Variants in MSRA observed in about 807,000 individuals in gnomAD.
MSRA encodes methionine sulfoxide reductase A, also known as mitochondrial peptide methionine sulfoxide reductase.
MSRA carries 54 observed loss-of-function variants against 31.3 expected under a neutral mutation model. The ratio of observed to expected loss-of-function variants is 1.73; its 90% CI spans 1.39 to 2.17. MSRA has a LOEUF of 2.17. Among genes scored for constraint, MSRA ranks in the 30% most tolerant of loss-of-function variants. MSRA has a pLI of 0.00. For synonymous variants in MSRA, 169 were observed against 116.5 expected, an observed-to-expected ratio of 1.45 and a Z score of -2.90; for missense variants, 507 against 300.9, an observed-to-expected ratio of 1.69 and a Z score of -5.07.
intron 1 of MSRA, among the ~76,000 whole-genome samples, chr8:10,158,207 G>A (rs1804328628): frequency 6.6e-6 from 1 of 152,202 alleles, no homozygotes; most frequent in Non-Finnish European, 1.5e-5. Context: ...CTGTCACATT[G>A]TGAGGAAAGA....
intron 5 of MSRA, among the ~76,000 whole-genome samples, chr8:10,381,189 C>T (rs1806048091): frequency 6.6e-6 from 1 of 152,176 alleles, no homozygotes; most frequent in Non-Finnish European, 1.5e-5. Flanking sequence ...CTACCTAACA[C>T]AGCCTTTTCT....
chr8:10,233,791 CTT>C (rs1811700295), intron 2 of MSRA, among the ~76,000 whole-genome samples: 1 of 152,054 alleles, frequency 6.6e-6, no homozygotes, highest in African/African-American at 2.4e-5. Flanking sequence ...TAGCTGAAGA[CTT>C]TTTAGAAATG....
At chr8:10,228,750 T>G (rs947584051) in intron 2 of MSRA, among the ~76,000 whole-genome samples, 14 of 152,236 alleles carry the variant, frequency 9.2e-5, no homozygotes, top group African/African-American at 3.1e-4. Context: ...AATCTCTGTT[T>G]TCTCATCCTT....
At chr8:10,358,883 G>C (rs368361000) in intron 5 of MSRA, among the ~76,000 whole-genome samples, 1 of 152,118 alleles carries the variant, frequency 6.6e-6, no homozygotes, top group East Asian at 1.9e-4. Context: ...TGAGCCACCA[G>C]CATTAGATTC....
At chr8:10,402,648 G>A (rs771159770) in intron 5 of MSRA, among the ~76,000 whole-genome samples, 5 of 152,190 alleles carry the variant, frequency 3.3e-5, no homozygotes, top group Non-Finnish European at 7.3e-5. Context: ...TATCCACAAT[G>A]GAAAGAAACT....
intron 1 of MSRA, among the ~76,000 whole-genome samples, chr8:10,097,005 G>A (rs951768691): frequency 6.6e-6 from 1 of 152,282 alleles, no homozygotes; most frequent in South Asian, 2.1e-4. Context: ...CCCTGGATCT[G>A]TGCTTTTGTT....
At chr8:10,350,518 G>A (rs1401998271) in intron 5 of MSRA, among the ~76,000 whole-genome samples, 1 of 152,206 alleles carries the variant, frequency 6.6e-6, no homozygotes, top group African/African-American at 2.4e-5. Flanking sequence ...CTATTAAGAT[G>A]GATTTTAGAG....
intron 2 of MSRA, among the ~76,000 whole-genome samples, chr8:10,222,995 G>A (rs1390869948): frequency 6.6e-6 from 1 of 152,138 alleles, no homozygotes; most frequent in Non-Finnish European, 1.5e-5. Flanking sequence ...AGTGTGTAAG[G>A]TGATAGGTAT....
At chr8:10,270,924 C>A (rs1272074871) in intron 3 of MSRA, among the ~76,000 whole-genome samples, 1 of 152,172 alleles carries the variant, frequency 6.6e-6, no homozygotes, top group Non-Finnish European at 1.5e-5. Context: ...CTTGGCTTTG[C>A]CACGGCAGAA....
At chr8:10,054,828 C>G (rs546970710) in intron 1 of MSRA, among the ~76,000 whole-genome samples, 170 bp downstream of exon 1, 2 of 152,206 alleles carry the variant, frequency 1.3e-5, no homozygotes, top group South Asian at 2.1e-4. Context: ...CGGGGAGACG[C>G]TGGGGTCCAC....
intron 5 of MSRA, among the ~76,000 whole-genome samples, chr8:10,397,608 G>C (rs549748679): frequency 1.3e-5 from 2 of 152,352 alleles, no homozygotes; most frequent in East Asian, 3.9e-4. Flanking sequence ...CGGTAGCTAA[G>C]AGAGGGCCTG....
chr8:10,408,984 T>A (rs1807992430), intron 5 of MSRA, among the ~76,000 whole-genome samples: 1 of 152,206 alleles, frequency 6.6e-6, no homozygotes, highest in African/African-American at 2.4e-5. Context: ...GATGTTTAGG[T>A]TGATTCCATA....
rs578117731 is a variant in MSRA at position 10,382,856 on chromosome 8, G to A, written c.544-45292G>A. Among the ~76,000 whole-genome samples, 6 of 152,290 alleles carry A rather than the reference G, an allele frequency of 3.9e-5. No homozygotes were observed. In the East Asian group the frequency reaches 5.8e-4, roughly 15 times the overall value. On this transcript the variant is annotated intron_variant, in intron 5 of 5. Transcript: ENST00000317173. Reference sequence around the variant, plus strand: ...AAATCACCCAGTCTCTGCCCCTGACGGTTCCTGGTCCACCTTAGATAATAC... The same window carrying A: ...AAATCACCCAGTCTCTGCCCCTGACAGTTCCTGGTCCACCTTAGATAATAC...
intron 2 of MSRA, among the ~76,000 whole-genome samples, chr8:10,218,213 C>G (rs899534277): frequency 6.6e-6 from 1 of 151,702 alleles, no homozygotes; most frequent in African/African-American, 2.4e-5. Flanking sequence ...GTGGTGCGGT[C>G]TTGGCTCACT....
At chr8:10,340,702 A>G (rs2129150197) in intron 5 of MSRA, among the ~76,000 whole-genome samples, 1 of 152,324 alleles carries the variant, frequency 6.6e-6, no homozygotes, top group South Asian at 2.1e-4. Flanking sequence ...CCACTTTATA[A>G]AGTGGCGAGG....
intron 5 of MSRA, among the ~76,000 whole-genome samples, chr8:10,330,819 A>T (rs984222206): frequency 6.6e-6 from 1 of 152,208 alleles, no homozygotes; most frequent in Non-Finnish European, 1.5e-5. Flanking sequence ...GTGATACAGC[A>T]TATAAAGAAG....
intron 1 of MSRA, among the ~76,000 whole-genome samples, chr8:10,101,341 T>A (rs965929426): frequency 6.6e-6 from 1 of 152,226 alleles, no homozygotes; most frequent in African/African-American, 2.4e-5. Context: ...TATTTATGTT[T>A]TACAAAATTA....
chr8:10,339,022 C>G (rs781487317), intron 5 of MSRA, among the ~76,000 whole-genome samples: 2 of 152,194 alleles, frequency 1.3e-5, no homozygotes, highest in Admixed American at 6.5e-5. Flanking sequence ...GATGAAAGAT[C>G]TGGCATTTTA....
At chr8:10,341,647 T>C (rs1242165702) in intron 5 of MSRA, among the ~76,000 whole-genome samples, 1 of 152,216 alleles carries the variant, frequency 6.6e-6, no homozygotes, top group African/African-American at 2.4e-5. Context: ...CAAACTTAGG[T>C]ACCTGTTTGA....
Sources: allele counts gnomAD v4.1 joint callset (sites outside exome capture counted in the v4.1 genomes callset), GRCh38; gene constraint gnomAD v4.1.1; transcripts MANE v1.5; gene names NCBI Gene and HGNC (gene_info 2026-07-23, HGNC 2026-07-21).